The following YAF2 variants were observed in gnomAD, a reference collection of about 807,000 sequenced individuals.
YAF2 encodes YY1-associated factor 2.
YAF2 carries 7 observed loss-of-function variants against 20.1 expected under a neutral mutation model. The observed-to-expected ratio is 0.35, with a 90% CI of 0.20 to 0.65. The LOEUF is 0.65. Among genes scored for constraint, YAF2 ranks in the 30% least tolerant of loss-of-function variants. The probability of loss-of-function intolerance (pLI) is 0.69; values close to 1 mark genes in which losing one functional copy is unlikely to be tolerated. For missense variants in YAF2, 151 were observed against 219.2 expected (o/e 0.69, Z 1.96); for synonymous variants, 74 against 76.0 (o/e 0.97, Z 0.14).
In YAF2 at chr12:42,238,139, GC is replaced by G. The variant is rs1254815713; in HGVS notation, c.26+15del. 1.3e-6 allele frequency: 2 copies of G among 1,538,176 alleles called. No individual in the cohort carries two copies. Among genetic ancestry groups the G allele is most frequent in the Admixed American group, 3.9e-5 (2 of 51,360 alleles). On this transcript the variant is annotated intron_variant, in intron 1 of 3. Transcript: ENST00000534854. ...CCGCCCGCACAGTCCGGGCCCCGGGGCCCGGGCGCTGTTACCTGGTGGGGCT... is the reference window on the plus strand; with the variant it reads ...CCGCCCGCACAGTCCGGGCCCCGGGGCCGGGCGCTGTTACCTGGTGGGGCT...
intron 2 of YAF2, among the ~76,000 whole-genome samples, chr12:42,225,098 G>A (rs1053184101): frequency 6.6e-5 from 10 of 152,194 alleles, no homozygotes; most frequent in Non-Finnish European, 1.5e-4. Flanking sequence ...ATCTCATTGT[G>A]GTTTGATGTG....
At chr12:42,234,480 A>C in intron 2 of YAF2, 1 of 980,582 alleles carries the variant, frequency 1.0e-6, no homozygotes, top group Non-Finnish European at 1.2e-6. Flanking sequence ...CCAAGTAACA[A>C]ACATGCACAT....
At chr12:42,163,629 A>G (rs1338347458) in intron 2 of YAF2, among the ~76,000 whole-genome samples, 4 of 152,202 alleles carry the variant, frequency 2.6e-5, no homozygotes, top group Non-Finnish European at 4.4e-5. Flanking sequence ...TTTAATGTGA[A>G]GGTTGATTTT....
chr12:42,182,713 T>C (rs1398163862), intron 2 of YAF2, among the ~76,000 whole-genome samples: 1 of 152,196 alleles, frequency 6.6e-6, no homozygotes, highest in East Asian at 1.9e-4. Context: ...AAGAAAACAT[T>C]ATTGAATATA....
chr12:42,235,568 A>G (rs1021365860), intron 2 of YAF2: 2 of 1,398,386 alleles, frequency 1.4e-6, no homozygotes, highest in African/African-American at 2.9e-5. Context: ...GAGAATTCAG[A>G]GAGAGGAAGG....
At chr12:42,195,496 G>C (rs1442228250) in intron 2 of YAF2, among the ~76,000 whole-genome samples, 1 of 152,156 alleles carries the variant, frequency 6.6e-6, no homozygotes. Flanking sequence ...TCTTGTAAGG[G>C]ACAGTCCCCT....
intron 2 of YAF2, among the ~76,000 whole-genome samples, chr12:42,228,320 G>A (rs1297477355): frequency 8.2e-5 from 5 of 61,078 alleles, no homozygotes; most frequent in East Asian, 7.4e-4. Context: ...CCCCCTGCCC[G>A]GCCAGCCACC....
At chr12:42,205,203 A>G (rs1022688614) in intron 2 of YAF2, among the ~76,000 whole-genome samples, 1 of 151,994 alleles carries the variant, frequency 6.6e-6, no homozygotes, top group African/African-American at 2.4e-5. Context: ...TTATATACAT[A>G]TAAATTATTA....
chr12:42,228,202 G>T (rs1342008954), intron 2 of YAF2, among the ~76,000 whole-genome samples: 50 of 99,992 alleles, frequency 5.0e-4, no homozygotes, highest in Admixed American at 8.5e-4. Flanking sequence ...GAGGTGGGGG[G>T]GTCGGCCCCC....
At chr12:42,218,839 A>C (rs1161492458) in intron 2 of YAF2, among the ~76,000 whole-genome samples, 2 of 152,310 alleles carry the variant, frequency 1.3e-5, no homozygotes, top group African/African-American at 4.8e-5. Context: ...CCTTAAAAAA[A>C]ACAAATGTGT....
intron 2 of YAF2, among the ~76,000 whole-genome samples, chr12:42,184,869 T>C (rs1056871300): frequency 1.3e-5 from 2 of 152,158 alleles, no homozygotes; most frequent in Non-Finnish European, 2.9e-5. Context: ...GCAGATGTGG[T>C]AGAAATAGCA....
chr12:42,219,311 C>A (rs1203498277), intron 2 of YAF2, among the ~76,000 whole-genome samples: 1 of 152,190 alleles, frequency 6.6e-6, no homozygotes, highest in African/African-American at 2.4e-5. Flanking sequence ...AACAGGCAAA[C>A]CTCTCTCCTC....
At chr12:42,167,134 T>C (rs866796228) in intron 2 of YAF2, among the ~76,000 whole-genome samples, 1 of 149,936 alleles carries the variant, frequency 6.7e-6, no homozygotes, top group South Asian at 2.1e-4. Flanking sequence ...CACCGGGGCC[T>C]GTTGGGGAGT....
rs935910553 is a variant in YAF2, at chr12:42,160,568, A to C, written c.*21T>G. ...TTGCATGGTAGGACAGAAGTGACTA[A>C]GAAATTGGAGAAAATAAACTTTAAT... On this transcript the variant is annotated 3_prime_UTR_variant, in exon 4 of 4. Transcript: ENST00000534854. 7 of 1,594,884 alleles carry C rather than the reference A, an allele frequency of 4.4e-6. No individual in the cohort carries two copies. The African/African-American group carries it at 8.1e-5, about 18-fold the overall frequency.
intron 2 of YAF2, among the ~76,000 whole-genome samples, chr12:42,223,897 G>C (rs2067601327): frequency 6.6e-6 from 1 of 152,110 alleles, no homozygotes; most frequent in African/African-American, 2.4e-5. Context: ...CAAGGGGAAG[G>C]AGAGCATTAG....
chr12:42,169,912 CCAGGCTGGAGTG>C (rs2066004199), intron 2 of YAF2, among the ~76,000 whole-genome samples: 1 of 151,826 alleles, frequency 6.6e-6, no homozygotes, highest in Non-Finnish European at 1.5e-5. Context: ...GCACTGTCAC[CCAGGCTGGAGTG>C]CAGTGGTACA....
chr12:42,165,145 G>GA (rs945442217), intron 2 of YAF2, among the ~76,000 whole-genome samples: 2 of 151,320 alleles, frequency 1.3e-5, no homozygotes, highest in African/African-American at 2.4e-5. Flanking sequence ...TAGGTAAGGA[G>GA]ATTAACCATG....
rs1218839544 is a variant in YAF2, at chr12:42,157,482, A to T, written c.*3107T>A. On this transcript the variant is annotated 3_prime_UTR_variant, in exon 4 of 4. Coordinates refer to ENST00000534854, the MANE Select transcript of YAF2 (RefSeq NM_005748.6). ...ATATCCAAACCATAGCAGGAAGTTT[A>T]AAAAAGCGAGTGGCGGAAGCCTCAG... 1 of 152,248 alleles carries T rather than the reference A, an allele frequency of 6.6e-6. No homozygotes were observed. The highest frequency in any genetic ancestry group is 6.5e-5 in the Admixed American group (1 of 15,286). 9.4% of individuals were successfully genotyped at this position (152,248 alleles called of 1,614,324 possible). A position where few individuals can be genotyped will look rare whatever the true frequency, so the allele number is the denominator to read the frequency against.
At chr12:42,205,194 T>C (rs1241072193) in intron 2 of YAF2, among the ~76,000 whole-genome samples, 1 of 151,988 alleles carries the variant, frequency 6.6e-6, no homozygotes, top group Non-Finnish European at 1.5e-5. Flanking sequence ...TTTTAAAATT[T>C]ATATACATAT....
Sources: allele counts gnomAD v4.1 joint callset (sites outside exome capture counted in the v4.1 genomes callset), GRCh38; gene constraint gnomAD v4.1.1; transcripts MANE v1.5; gene names NCBI Gene and HGNC (gene_info 2026-07-23, HGNC 2026-07-21).